The following NRXN3 variants were observed in gnomAD, a reference collection of about 807,000 sequenced individuals.
NRXN3 encodes the protein neurexin III.
Under a neutral mutation model 137.6 loss-of-function variants are expected in NRXN3, and 32 were observed. That is an observed-to-expected ratio of 0.23 (90% CI 0.18 to 0.31). The LOEUF is 0.31. NRXN3 is among the 10% of genes least tolerant of loss of function. The pLI, the probability that NRXN3 is intolerant of heterozygous loss-of-function variation, is 1.00. For synonymous variants in NRXN3, 798 were observed against 784.5 expected, an observed-to-expected ratio of 1.02 and a Z score of -0.29; for missense variants, 1,574 against 2,062.5, an observed-to-expected ratio of 0.76 and a Z score of 4.59.
intron 6 of NRXN3, among the ~76,000 whole-genome samples, chr14:78,671,013 T>A (rs1480740134): frequency 1.3e-5 from 2 of 151,942 alleles, no homozygotes; most frequent in African/African-American, 4.8e-5. Context: ...ATTGATGAGA[T>A]CAGTTAAGAA....
chr14:78,233,987 T>G (rs138153914), intron 1 of NRXN3, among the ~76,000 whole-genome samples: 2 of 152,176 alleles, frequency 1.3e-5, no homozygotes, highest in Non-Finnish European at 2.9e-5. Flanking sequence ...TAGTGGAAAG[T>G]AATTGAATCA....
chr14:79,039,163 T>G (rs980968485), intron 15 of NRXN3, among the ~76,000 whole-genome samples: 2 of 152,122 alleles, frequency 1.3e-5, no homozygotes, highest in African/African-American at 4.8e-5. Context: ...ATCTATGGAA[T>G]ATAGAGGTTT....
chr14:78,224,826 G>A lies in NRXN3; in HGVS notation c.-703-17565G>A, dbSNP rs866209367. 1.2e-3 allele frequency among the ~76,000 whole-genome samples: 165 copies of A among 137,196 alleles called. 1 individual carries two copies. Among genetic ancestry groups the A allele is most frequent in the African/African-American group, 4.1e-3 (155 of 37,360 alleles). The allele number at this position is 137,196 out of a possible 152,430, so 90.0% of individuals were successfully genotyped here. ...CCAGGCTGGACTGCGGACTGCAGTG[G>A]CGCAATCTCGGCTCACTGCAAGCTC... On this transcript the variant is annotated intron_variant, in intron 1 of 20. Coordinates refer to ENST00000335750, the MANE Select transcript of NRXN3 (RefSeq NM_001330195.2).
intron 10 of NRXN3, among the ~76,000 whole-genome samples, chr14:78,820,972 A>C (rs542340761): frequency 1.3e-5 from 2 of 152,278 alleles, no homozygotes; most frequent in Admixed American, 1.3e-4. Flanking sequence ...GCTCATGGAC[A>C]CTGAGTGCTT....
intron 19 of NRXN3, among the ~76,000 whole-genome samples, chr14:79,763,891 A>G (rs927371986): frequency 2.6e-5 from 4 of 151,774 alleles, no homozygotes; most frequent in Admixed American, 6.5e-5. Context: ...GATCATAGCA[A>G]TGGCAGCTAG....
At chr14:79,204,723 C>T (rs2066547207) in intron 15 of NRXN3, among the ~76,000 whole-genome samples, 1 of 152,094 alleles carries the variant, frequency 6.6e-6, no homozygotes, top group African/African-American at 2.4e-5. Context: ...AACAAAAACA[C>T]CCTGAATGTT....
At chr14:79,405,464 G>C (rs550485665) in intron 15 of NRXN3, among the ~76,000 whole-genome samples, 1 of 152,212 alleles carries the variant, frequency 6.6e-6, no homozygotes, top group Admixed American at 6.5e-5. Flanking sequence ...GGTTTCTTCA[G>C]ATACTAGTCT....
At chr14:79,362,348 G>A (rs545600934) in intron 15 of NRXN3, among the ~76,000 whole-genome samples, 2 of 139,596 alleles carry the variant, frequency 1.4e-5, no homozygotes, top group African/African-American at 2.7e-5. Flanking sequence ...AATAAACAAA[G>A]TATCTTTTAT....
intron 4 of NRXN3, among the ~76,000 whole-genome samples, chr14:78,558,865 T>C (rs1364969840): frequency 6.6e-6 from 1 of 152,244 alleles, no homozygotes; most frequent in Non-Finnish European, 1.5e-5. Flanking sequence ...ACCTACATTA[T>C]TGTTTCTTAA....
intron 14 of NRXN3, among the ~76,000 whole-genome samples, chr14:78,978,453 A>C (rs1182839756): frequency 6.6e-6 from 1 of 152,086 alleles, no homozygotes; most frequent in Non-Finnish European, 1.5e-5. Context: ...AGCTAAATAT[A>C]AGTGAATTTG....
intron 10 of NRXN3, among the ~76,000 whole-genome samples, chr14:78,934,092 G>A (rs566149472): frequency 1.3e-5 from 2 of 150,594 alleles, no homozygotes; most frequent in Admixed American, 6.6e-5. Context: ...ACCTTAGTTG[G>A]GTCTTGTAAA....
chr14:78,328,358 A>G (rs1567273552), intron 4 of NRXN3, among the ~76,000 whole-genome samples: 1 of 152,198 alleles, frequency 6.6e-6, no homozygotes, highest in Non-Finnish European at 1.5e-5. Flanking sequence ...ATGGTAACTA[A>G]TAGGAGATTT....
intron 10 of NRXN3, among the ~76,000 whole-genome samples, chr14:78,936,297 C>T (rs1302848201): frequency 1.3e-5 from 2 of 152,148 alleles, no homozygotes; most frequent in Non-Finnish European, 2.9e-5. Flanking sequence ...TAGAACTAAA[C>T]TAGGGGTCTG....
rs137967774 is a variant in NRXN3, at chr14:78,832,557, T to G, written c.2275+22213T>G. On this transcript the variant is annotated intron_variant, in intron 10 of 20. Coordinates refer to ENST00000335750, the MANE Select transcript of NRXN3 (RefSeq NM_001330195.2). ...CTCTCTGTGCCTTGGTGTACAAGAG[T>G]AGGCCAATACCAGCATGTTTCTCAG... 5.7e-3 allele frequency among the ~76,000 whole-genome samples: 867 copies of G among 151,894 alleles called. 4 individuals are homozygous for G. The highest frequency in any genetic ancestry group is 9.5e-3 in the Non-Finnish European group (649 of 67,966).
At chr14:79,400,849 A>G (rs2095172219) in intron 15 of NRXN3, among the ~76,000 whole-genome samples, 1 of 152,210 alleles carries the variant, frequency 6.6e-6, no homozygotes, top group African/African-American at 2.4e-5. Context: ...ATAAGCCTAT[A>G]TATGTTGCAT....
chr14:79,478,728 C>A (rs575074362), intron 16 of NRXN3, among the ~76,000 whole-genome samples: 1 of 152,040 alleles, frequency 6.6e-6, no homozygotes, highest in East Asian at 1.9e-4. Context: ...GGTATACCTA[C>A]CACTCAGCAC....
chr14:79,089,771 C>T (rs1392221854), intron 15 of NRXN3, among the ~76,000 whole-genome samples: 2 of 152,084 alleles, frequency 1.3e-5, no homozygotes, highest in South Asian at 2.1e-4. Flanking sequence ...GATCTTTCTT[C>T]TTCTGCACAT....
At chr14:78,535,742 A>C (rs1242871187) in intron 4 of NRXN3, among the ~76,000 whole-genome samples, 1 of 152,190 alleles carries the variant, frequency 6.6e-6, no homozygotes, top group Non-Finnish European at 1.5e-5. Context: ...AGCAACTTGA[A>C]CTTTCAAACT....
intron 4 of NRXN3, among the ~76,000 whole-genome samples, chr14:78,620,316 G>T (rs1374121061): frequency 1.3e-5 from 2 of 152,154 alleles, no homozygotes; most frequent in Non-Finnish European, 2.9e-5. Context: ...GTAATATTTG[G>T]ATAGCGCAAT....
Sources: gnomAD v4.1 joint callset for allele counts (sites outside exome capture counted in the v4.1 genomes callset) on GRCh38, gnomAD v4.1.1 for gene constraint, MANE v1.5 for transcripts, NCBI Gene and HGNC (gene_info 2026-07-23, HGNC 2026-07-21) for gene names.